The following C1orf21 variants were observed in gnomAD, a reference collection of about 807,000 sequenced individuals.
C1orf21 encodes the protein uncharacterized protein C1orf21.
C1orf21 carries 3 observed loss-of-function variants against 18.7 expected under a neutral mutation model. The observed-to-expected ratio is 0.16, with a 90% CI of 0.07 to 0.42. The LOEUF is 0.42. Ranked by LOEUF, C1orf21 falls within the 10% of genes least tolerant of loss-of-function variation. C1orf21 has a pLI of 0.99. For synonymous variants in C1orf21, 41 were observed against 46.4 expected, an observed-to-expected ratio of 0.88 and a Z score of 0.47; for missense variants, 104 against 143.6, an observed-to-expected ratio of 0.72 and a Z score of 1.41.
At chr1:184,441,176 T>C (rs1656938203) in intron 1 of C1orf21, among the ~76,000 whole-genome samples, 1 of 152,210 alleles carries the variant, frequency 6.6e-6, no homozygotes, top group South Asian at 2.1e-4. Flanking sequence ...AGCTTCCTCT[T>C]GGTTTTTGTG....
intron 1 of C1orf21, 129 bp from the exon 2 acceptor site, chr1:184,477,257 C>T (rs1264387816): frequency 2.1e-5 from 8 of 385,636 alleles, no homozygotes; most frequent in Admixed American, 1.3e-4. Flanking sequence ...GTGCCCACCA[C>T]AACACCAGTG....
chr1:184,591,634 A>G (rs1031576894), intron 4 of C1orf21, among the ~76,000 whole-genome samples: 1 of 151,946 alleles, frequency 6.6e-6, no homozygotes, highest in Non-Finnish European at 1.5e-5. Context: ...ATGAAACCCC[A>G]TCTCTACTAA....
At chr1:184,413,620 G>A (rs1328841601) in intron 1 of C1orf21, among the ~76,000 whole-genome samples, 1 of 152,188 alleles carries the variant, frequency 6.6e-6, no homozygotes, top group Non-Finnish European at 1.5e-5. Flanking sequence ...CCAGGAACCC[G>A]AGGCATTGAG....
At chr1:184,568,514 T>C (rs1659066073) in intron 3 of C1orf21, 1 of 456,782 alleles carries the variant, frequency 2.2e-6, no homozygotes, top group Non-Finnish European at 4.5e-6. Context: ...TAATATTTGA[T>C]ATTTATTGGC....
intron 3 of C1orf21, among the ~76,000 whole-genome samples, chr1:184,546,943 T>C (rs1658736510): frequency 6.6e-6 from 1 of 152,150 alleles, no homozygotes; most frequent in African/African-American, 2.4e-5. Flanking sequence ...CCCAATCTAA[T>C]GCACAGGCCT....
chr1:184,605,193 T>G (rs1013247904), intron 5 of C1orf21, among the ~76,000 whole-genome samples: 2 of 152,212 alleles, frequency 1.3e-5, no homozygotes, highest in Non-Finnish European at 2.9e-5. Flanking sequence ...TATCCTTTTC[T>G]CTTCCTTCCC....
chr1:184,472,452 A>C (rs1657509251), intron 1 of C1orf21, among the ~76,000 whole-genome samples: 1 of 152,178 alleles, frequency 6.6e-6, no homozygotes, highest in Non-Finnish European at 1.5e-5. Context: ...CTTTCTTGAC[A>C]GGGAATTTAT....
intron 1 of C1orf21, among the ~76,000 whole-genome samples, chr1:184,401,589 A>G (rs1013280450): frequency 6.6e-6 from 1 of 151,856 alleles, no homozygotes; most frequent in African/African-American, 2.4e-5. Flanking sequence ...CCAGTTTATT[A>G]TTTGTCATTT....
chr1:184,596,888 A>G (rs1181101004), intron 4 of C1orf21, among the ~76,000 whole-genome samples: 2 of 147,150 alleles, frequency 1.4e-5, no homozygotes, highest in African/African-American at 5.1e-5. Context: ...AAAAAAAAAA[A>G]GAAAGAAAGA....
At position 184,610,774 on chromosome 1, in the gene C1orf21, G is replaced by A. The variant is rs565010613; in HGVS notation, c.328-8744G>A. 1.5e-3 allele frequency among the ~76,000 whole-genome samples: 228 copies of A among 151,746 alleles called. 1 individual carries two copies. The highest frequency in any genetic ancestry group is 6.8e-3 in the Middle Eastern group (2 of 294). ...GAGGCAGGAGAATGGCGTGAACCTG[G>A]GAGGCGGAGCTTGTAGTGAGCCGAG... On this transcript the variant is annotated intron_variant, in intron 5 of 5. Coordinates refer to ENST00000235307, the MANE Select transcript of C1orf21 (RefSeq NM_030806.4).
At chr1:184,446,479 A>G (rs576915350) in intron 1 of C1orf21, among the ~76,000 whole-genome samples, 1 of 152,278 alleles carries the variant, frequency 6.6e-6, no homozygotes, top group African/African-American at 2.4e-5. Flanking sequence ...AATTTGATCA[A>G]ATCACTATAT....
chr1:184,548,513 C>T lies in C1orf21; in HGVS notation c.189+40831C>T, dbSNP rs773638576. Among the ~76,000 whole-genome samples the T allele has an allele frequency of 2.4e-4, 35 of 148,354 alleles. 1 individual carries two copies. Among genetic ancestry groups the T allele is most frequent in the Non-Finnish European group, 5.0e-4 (34 of 67,650 alleles). ...CACTACAAGCTCCGCCTCCCGGGTT[C>T]ACGCCATTCTCCCCATTGCAGACTC... On this transcript the variant is annotated intron_variant, in intron 3 of 5. Coordinates refer to ENST00000235307, the MANE Select transcript of C1orf21 (RefSeq NM_030806.4).
chr1:184,582,900 T>A (rs1659295491), intron 3 of C1orf21, among the ~76,000 whole-genome samples: 1 of 152,160 alleles, frequency 6.6e-6, no homozygotes, highest in African/African-American at 2.4e-5. Flanking sequence ...GTGCAAGGGC[T>A]TGATCTCAGC....
At chr1:184,431,892 G>A (rs1656771527) in intron 1 of C1orf21, among the ~76,000 whole-genome samples, 1 of 152,128 alleles carries the variant, frequency 6.6e-6, no homozygotes, top group African/African-American at 2.4e-5. Flanking sequence ...CTCAAAAGAA[G>A]ACATTTATGC....
At position 184,613,902 on chromosome 1, in the gene C1orf21, G is replaced by A. The variant is rs1659777645; in HGVS notation, c.328-5616G>A. On this transcript the variant is annotated intron_variant, in intron 5 of 5. Coordinates refer to ENST00000235307, the MANE Select transcript of C1orf21 (RefSeq NM_030806.4). ...CTACAGGGAAATCCCAGCTACTTGG[G>A]AGGCTGAGGAAGGAAAATTGCTTGA... Among the ~76,000 whole-genome samples, 4 of 152,082 alleles carry A rather than the reference G, an allele frequency of 2.6e-5. No individual in the cohort carries two copies. In the South Asian group the frequency reaches 8.3e-4, roughly 32 times the overall value.
At chr1:184,483,486 T>C (rs1258751878) in intron 2 of C1orf21, among the ~76,000 whole-genome samples, 1 of 152,206 alleles carries the variant, frequency 6.6e-6, no homozygotes, top group Non-Finnish European at 1.5e-5. Flanking sequence ...TATATTGACT[T>C]CCTTTTCTGC....
At chr1:184,587,614 T>C (rs1659376544) in intron 3 of C1orf21, among the ~76,000 whole-genome samples, 1 of 150,430 alleles carries the variant, frequency 6.6e-6, no homozygotes, top group South Asian at 2.1e-4. Context: ...GCATGACTGT[T>C]GTTGGTGTAT....
intron 1 of C1orf21, among the ~76,000 whole-genome samples, chr1:184,417,841 G>A (rs1362161749): frequency 6.6e-6 from 1 of 152,226 alleles, no homozygotes; most frequent in African/African-American, 2.4e-5. Flanking sequence ...GTGGGAGTTT[G>A]TATAGAAGAC....
At chr1:184,613,688 A>G (rs1231028782) in intron 5 of C1orf21, among the ~76,000 whole-genome samples, 2 of 152,152 alleles carry the variant, frequency 1.3e-5, no homozygotes, top group African/African-American at 4.8e-5. Flanking sequence ...CTCCAAAGCC[A>G]GAGTGTTCAC....
Sources: allele counts gnomAD v4.1 joint callset (sites outside exome capture counted in the v4.1 genomes callset), GRCh38; gene constraint gnomAD v4.1.1; transcripts MANE v1.5; gene names NCBI Gene and HGNC (gene_info 2026-07-23, HGNC 2026-07-21).